The following CDH13 variants were observed in gnomAD, a reference collection of about 807,000 sequenced individuals.
CDH13 encodes the protein cadherin 13.
A neutral mutation model predicts 63.8 loss-of-function variants in CDH13; 24 were observed. The observed-to-expected ratio is 0.38, with a 90% CI of 0.27 to 0.53. The LOEUF is 0.53. Ranked by LOEUF, CDH13 falls within the 20% of genes least tolerant of loss-of-function variation. The pLI is 0.85. For synonymous variants in CDH13, 503 were observed against 355.3 expected (o/e 1.42, Z -4.67); for missense variants, 1,049 against 903.1 (o/e 1.16, Z -2.07).
chr16:82,977,349 A>G (rs1442199277), intron 2 of CDH13, among the ~76,000 whole-genome samples: 1 of 152,172 alleles, frequency 6.6e-6, no homozygotes, highest in Non-Finnish European at 1.5e-5. Context: ...ATCAGCATTA[A>G]GTCACCCACA....
At chr16:82,682,820 C>T (rs557733709) in intron 1 of CDH13, among the ~76,000 whole-genome samples, 26 of 152,232 alleles carry the variant, frequency 1.7e-4, no homozygotes, top group South Asian at 4.2e-4. Context: ...TGTAATTTTC[C>T]GAAGTCTGTG....
chr16:83,614,963 C>T lies in CDH13; in HGVS notation c.1101+12369C>T, dbSNP rs144180115. Among the ~76,000 whole-genome samples the T allele has an allele frequency of 6.2e-3, 947 of 152,198 alleles. 7 individuals are homozygous for T. The highest frequency in any genetic ancestry group is 0.021 in the African/African-American group (877 of 41,536). The stretch of plus-strand genomic sequence containing the variant: ...ATAAGCAAGAAGGGAACTCTAAATC[C>T]AAGAAAGCTAAACTTTTCTTTCTGA... On this transcript the variant is annotated intron_variant, in intron 8 of 13. Coordinates refer to ENST00000567109, the MANE Select transcript of CDH13 (RefSeq NM_001257.5).
intron 2 of CDH13, among the ~76,000 whole-genome samples, chr16:82,926,247 G>C (rs2042300870): frequency 6.9e-6 from 1 of 145,666 alleles, no homozygotes; most frequent in Non-Finnish European, 1.5e-5. Flanking sequence ...TATTTAAAAT[G>C]AATGGACATG....
chr16:83,519,954 T>A (rs918148281), intron 7 of CDH13, among the ~76,000 whole-genome samples: 13 of 151,874 alleles, frequency 8.6e-5, no homozygotes, highest in Non-Finnish European at 1.2e-4. Flanking sequence ...AATGAAAAAA[T>A]TTCAGGTAAA....
intron 5 of CDH13, among the ~76,000 whole-genome samples, chr16:83,328,884 A>C (rs1393845326): frequency 6.6e-6 from 1 of 152,200 alleles, no homozygotes; most frequent in Non-Finnish European, 1.5e-5. Context: ...GGAGCTCCAC[A>C]CTAGCAGGGA....
At chr16:83,136,196 G>C (rs1002462574) in intron 4 of CDH13, among the ~76,000 whole-genome samples, 5 of 149,564 alleles carry the variant, frequency 3.3e-5, no homozygotes, top group Admixed American at 6.7e-5. Context: ...AAAAGAAATA[G>C]ACTTTGTCTG....
At chr16:83,295,065 G>A (rs1368933323) in intron 5 of CDH13, among the ~76,000 whole-genome samples, 2 of 152,008 alleles carry the variant, frequency 1.3e-5, no homozygotes, top group Non-Finnish European at 2.9e-5. Context: ...AGAAAACCCA[G>A]AAATAAACTC....
At chr16:82,641,443 G>C (rs1297281754) in intron 1 of CDH13, among the ~76,000 whole-genome samples, 1 of 152,182 alleles carries the variant, frequency 6.6e-6, no homozygotes, top group Non-Finnish European at 1.5e-5. Flanking sequence ...GTAACAGAAA[G>C]AATTATGGTA....
intron 1 of CDH13, among the ~76,000 whole-genome samples, chr16:82,653,221 AC>A (rs1469732447): frequency 1.3e-5 from 2 of 152,126 alleles, no homozygotes; most frequent in Non-Finnish European, 1.5e-5. Flanking sequence ...GTTTCTGAGG[AC>A]CTGATAATGT....
At chr16:83,080,725 G>A (rs1202412486) in intron 3 of CDH13, among the ~76,000 whole-genome samples, 1 of 151,954 alleles carries the variant, frequency 6.6e-6, no homozygotes, top group Non-Finnish European at 1.5e-5. Context: ...GAACATAGAG[G>A]CGGCAATGGG....
At chr16:83,436,205 A>G (rs1347014690) in intron 6 of CDH13, among the ~76,000 whole-genome samples, 1 of 152,226 alleles carries the variant, frequency 6.6e-6, no homozygotes, top group Non-Finnish European at 1.5e-5. Context: ...ACTATAGGGA[A>G]CAATGCAACA....
At chr16:83,018,884 A>G (rs1489643995) in intron 2 of CDH13, among the ~76,000 whole-genome samples, 2 of 152,206 alleles carry the variant, frequency 1.3e-5, no homozygotes, top group African/African-American at 4.8e-5. Flanking sequence ...AATATAGTCT[A>G]AAAGGTAAAA....
intron 5 of CDH13, among the ~76,000 whole-genome samples, chr16:83,262,677 T>C (rs1470192274): frequency 6.6e-6 from 1 of 152,042 alleles, no homozygotes; most frequent in African/African-American, 2.4e-5. Flanking sequence ...TATGAAAAAA[T>C]GGTATAACTT....
intron 1 of CDH13, among the ~76,000 whole-genome samples, chr16:82,785,278 G>C (rs893782232): frequency 6.6e-6 from 1 of 152,160 alleles, no homozygotes; most frequent in Non-Finnish European, 1.5e-5. Flanking sequence ...CAGGTATGCA[G>C]GCTTGGCACT....
intron 1 of CDH13, among the ~76,000 whole-genome samples, chr16:82,820,857 G>A (rs2151094861): frequency 6.6e-6 from 1 of 152,236 alleles, no homozygotes; most frequent in African/African-American, 2.4e-5. Context: ...ACCAACGTTT[G>A]ACTGCAAAAA....
intron 11 of CDH13, among the ~76,000 whole-genome samples, chr16:83,756,619 ATTC>A (rs1363326448): frequency 6.6e-6 from 1 of 152,172 alleles, no homozygotes; most frequent in Non-Finnish European, 1.5e-5. Context: ...GCCCAAGACA[ATTC>A]TTCTTCCAAT....
intron 1 of CDH13, among the ~76,000 whole-genome samples, chr16:82,790,365 G>A (rs1328636357): frequency 6.6e-6 from 1 of 152,090 alleles, no homozygotes; most frequent in Non-Finnish European, 1.5e-5. Flanking sequence ...AACCCGGGAG[G>A]CAGAGGTTGC....
intron 6 of CDH13, among the ~76,000 whole-genome samples, chr16:83,423,904 G>T (rs563331224): frequency 6.6e-6 from 1 of 152,220 alleles, no homozygotes; most frequent in Non-Finnish European, 1.5e-5. Context: ...TCCTATGGCA[G>T]TCTGGGACGT....
intron 2 of CDH13, among the ~76,000 whole-genome samples, chr16:83,019,934 C>G (rs1181154507): frequency 6.6e-6 from 1 of 150,876 alleles, no homozygotes; most frequent in Non-Finnish European, 1.5e-5. Flanking sequence ...ACATATGGCA[C>G]ATAATTTTAT....
Sources: gnomAD v4.1 joint callset for allele counts (sites outside exome capture counted in the v4.1 genomes callset) on GRCh38, gnomAD v4.1.1 for gene constraint, MANE v1.5 for transcripts, NCBI Gene and HGNC (gene_info 2026-07-23, HGNC 2026-07-21) for gene names.